Variants in MAP2K4 observed in about 807,000 individuals in gnomAD.
The protein encoded by MAP2K4 is mitogen-activated protein kinase kinase 4, also known as dual specificity mitogen-activated protein kinase kinase 4.
In MAP2K4, 4 loss-of-function variants were observed where a neutral mutation model predicts 48.5. The observed-to-expected ratio is 0.08, with a 90% CI of 0.04 to 0.19. The LOEUF is 0.19. MAP2K4 is among the 10% of genes least tolerant of loss of function. The probability of loss-of-function intolerance (pLI) is 1.00; values close to 1 mark genes in which losing one functional copy is unlikely to be tolerated. For synonymous variants in MAP2K4, 166 were observed against 173.1 expected, an observed-to-expected ratio of 0.96 and a Z score of 0.32; for missense variants, 258 against 493.3, an observed-to-expected ratio of 0.52 and a Z score of 4.52.
chr17:12,134,159 C>T (rs1313872700), intron 9 of MAP2K4, among the ~76,000 whole-genome samples: 3 of 152,244 alleles, frequency 2.0e-5, no homozygotes, highest in Non-Finnish European at 2.9e-5. Flanking sequence ...AATGATGGCT[C>T]TCCACCTAGG....
At chr17:12,079,956 G>C (rs769442834) in intron 2 of MAP2K4, among the ~76,000 whole-genome samples, 45 of 152,248 alleles carry the variant, frequency 3.0e-4, no homozygotes, top group Non-Finnish European at 5.0e-4. Flanking sequence ...AATAATATGG[G>C]TGAAAGGACT....
At chr17:12,104,979 G>A (rs2151570346) in intron 4 of MAP2K4, among the ~76,000 whole-genome samples, 1 of 152,242 alleles carries the variant, frequency 6.6e-6, no homozygotes, top group South Asian at 2.1e-4. Context: ...AGCATTCATT[G>A]AATAATGCAT....
rs562286373 is a variant in MAP2K4 at position 12,109,918 on chromosome 17, A to T, written c.634-457A>T. ...CGAGGCAGAAGGATCGCTTGAGCCC[A>T]GGAATTTGAGATCAGCTTGGGCAAC... is the stretch of plus-strand genomic sequence containing the variant. On this transcript the variant is annotated intron_variant, in intron 5 of 10. Transcript: ENST00000353533. 2.0e-5 allele frequency among the ~76,000 whole-genome samples: 3 copies of T among 152,200 alleles called. No individual in the cohort carries two copies. In the South Asian group the frequency reaches 6.2e-4, roughly 32 times the overall value.
chr17:12,142,463 A>G lies in MAP2K4; in HGVS notation c.*1203A>G. The G allele has an allele frequency of 4.3e-6, 1 of 232,968 alleles. No individual in the cohort carries two copies. Among genetic ancestry groups the G allele is most frequent in the Middle Eastern group, 1.3e-3 (1 of 786 alleles). The allele number at this position is 232,968 out of a possible 1,614,324, so 14.4% of individuals were successfully genotyped here. On this transcript the variant is annotated 3_prime_UTR_variant, in exon 11 of 11. Transcript: ENST00000353533. ...CAAAAAACCTTTACAGTTAGCAGGG[A>G]TGTTCCTTACCAAGGATTTTTAGCC...
At chr17:12,049,523 T>C (rs984468870) in intron 1 of MAP2K4, among the ~76,000 whole-genome samples, 4 of 152,228 alleles carry the variant, frequency 2.6e-5, no homozygotes, top group Non-Finnish European at 5.9e-5. Context: ...CTGTCTCACC[T>C]GAGCTTGCTT....
chr17:12,111,188 G>T (rs1972293023), intron 6 of MAP2K4, among the ~76,000 whole-genome samples: 1 of 152,128 alleles, frequency 6.6e-6, no homozygotes, highest in Non-Finnish European at 1.5e-5. Context: ...AAATAGGAAG[G>T]AAAGTAAAGG....
chr17:12,138,582 G>A (rs1973279373), intron 9 of MAP2K4, among the ~76,000 whole-genome samples: 3 of 152,062 alleles, frequency 2.0e-5, no homozygotes, highest in Non-Finnish European at 2.9e-5. Flanking sequence ...CCATGTATAA[G>A]TGGATTTGTA....
Position 12,142,747 on chromosome 17 carries a change from G to A in MAP2K4, c.*1487G>A. The stretch of plus-strand genomic sequence containing the variant: ...TTACAAGAGGCCATTTAAGTATCTT[G>A]TGCTTCTTCACTTACCCATTAGCCA... On this transcript the variant is annotated 3_prime_UTR_variant, in exon 11 of 11. Transcript: ENST00000353533. 1 of 232,838 alleles carries A rather than the reference G, an allele frequency of 4.3e-6. No individual in the cohort carries two copies. Among genetic ancestry groups the A allele is most frequent in the East Asian group, 6.0e-5 (1 of 16,554 alleles). The allele number at this position is 232,838 out of a possible 1,614,324, so 14.4% of individuals were successfully genotyped here. A position where few individuals can be genotyped will look rare whatever the true frequency, so the allele number is the denominator to read the frequency against.
chr17:12,127,848 A>G lies in MAP2K4; in HGVS notation c.892-1291A>G, dbSNP rs1017051300. 2.6e-5 allele frequency among the ~76,000 whole-genome samples: 4 copies of G among 151,372 alleles called. No homozygotes were observed. The South Asian group carries it at 8.3e-4, about 32-fold the overall frequency. ...CATGCCTGCTTACTTTTGTGCACACATGTGTGTAATTAGAAACAACAGTGA... is the reference window on the plus strand; with the variant it reads ...CATGCCTGCTTACTTTTGTGCACACGTGTGTGTAATTAGAAACAACAGTGA... On this transcript the variant is annotated intron_variant, in intron 8 of 10. Coordinates refer to ENST00000353533, the MANE Select transcript of MAP2K4 (RefSeq NM_003010.4).
intron 4 of MAP2K4, among the ~76,000 whole-genome samples, chr17:12,096,497 C>T (rs1367936099): frequency 6.6e-6 from 1 of 152,148 alleles, no homozygotes; most frequent in Non-Finnish European, 1.5e-5. Context: ...AATTGTGATA[C>T]TTAGTTGAGT....
intron 2 of MAP2K4, among the ~76,000 whole-genome samples, chr17:12,078,204 T>G (rs753102203): frequency 2.0e-5 from 3 of 152,168 alleles, no homozygotes; most frequent in Non-Finnish European, 2.9e-5. Context: ...GAATGGATGT[T>G]GGGTGACAGC....
chr17:12,048,083 C>T (rs1005327528), intron 1 of MAP2K4, among the ~76,000 whole-genome samples: 2 of 152,078 alleles, frequency 1.3e-5, no homozygotes, highest in African/African-American at 4.8e-5. Context: ...GCCCAGGCTG[C>T]TTTTGAACTC....
At chr17:12,065,357 G>C (rs1970583015) in intron 2 of MAP2K4, among the ~76,000 whole-genome samples, 1 of 146,582 alleles carries the variant, frequency 6.8e-6, no homozygotes, top group African/African-American at 2.5e-5. Context: ...GGAGTGCAAT[G>C]GTGCGATCTC....
At chr17:12,139,988 A>G in intron 10 of MAP2K4, 104 bp downstream of exon 10, 1 of 649,568 alleles carries the variant, frequency 1.5e-6, no homozygotes. Flanking sequence ...ATAAACAAAC[A>G]TCTCAAATTT....
At chr17:12,078,466 C>T (rs1212331169) in intron 2 of MAP2K4, among the ~76,000 whole-genome samples, 6 of 152,110 alleles carry the variant, frequency 3.9e-5, no homozygotes, top group Non-Finnish European at 7.3e-5. Flanking sequence ...ATAATCACAT[C>T]GTGGGAAATT....
intron 2 of MAP2K4, among the ~76,000 whole-genome samples, chr17:12,068,511 A>C (rs1367120861): frequency 6.6e-6 from 1 of 152,140 alleles, no homozygotes; most frequent in Non-Finnish European, 1.5e-5. Context: ...ACATTTTGGA[A>C]GTAATTAATA....
Position 12,055,032 on chromosome 17 carries a change from A to T in MAP2K4, c.218+41A>T, listed in dbSNP as rs747764926. On this transcript the variant is annotated intron_variant, in intron 2 of 10. Coordinates refer to ENST00000353533, the MANE Select transcript of MAP2K4 (RefSeq NM_003010.4). ...AATCAAAGGCTCAACTCAAGCAAAG[A>T]TTTTAAAGTTACTGTATTTTATGAA... 1.1e-5 allele frequency: 14 copies of T among 1,269,620 alleles called. No individual in the cohort carries two copies. In the Admixed American group the frequency reaches 2.6e-4, roughly 24 times the overall value. The allele number at this position is 1,269,620 out of a possible 1,614,324, so 78.6% of individuals were successfully genotyped here.
chr17:12,070,262 T>C (rs570833627), intron 2 of MAP2K4, among the ~76,000 whole-genome samples: 1 of 151,548 alleles, frequency 6.6e-6, no homozygotes, highest in Admixed American at 6.7e-5. Context: ...AATCAAGTTC[T>C]CATGTGCAGG....
chr17:12,119,300 G>A (rs1972600114), intron 7 of MAP2K4, among the ~76,000 whole-genome samples: 2 of 152,110 alleles, frequency 1.3e-5, no homozygotes, highest in African/African-American at 4.8e-5. Context: ...AAATTTATAA[G>A]AAAGAAAACA....
Sources: gnomAD v4.1 joint callset for allele counts (sites outside exome capture counted in the v4.1 genomes callset) on GRCh38, gnomAD v4.1.1 for gene constraint, MANE v1.5 for transcripts, NCBI Gene and HGNC (gene_info 2026-07-23, HGNC 2026-07-21) for gene names.